SNRNP200: variants seen among roughly 807,000 people sequenced by gnomAD.
SNRNP200 encodes the protein small nuclear ribonucleoprotein U5 subunit 200, also known as U5 small nuclear ribonucleoprotein 200 kDa helicase.
Under a neutral mutation model 255.2 loss-of-function variants are expected in SNRNP200, and 66 were observed. The observed-to-expected ratio is 0.26, with a 90% CI of 0.21 to 0.32. SNRNP200 has a LOEUF of 0.32. Among genes scored for constraint, SNRNP200 ranks in the 10% least tolerant of loss-of-function variants. The pLI is 1.00. For missense variants in SNRNP200, 1,585 were observed against 2,749.8 expected, an observed-to-expected ratio of 0.58 and a Z score of 9.47; for synonymous variants, 939 against 1,027.8, an observed-to-expected ratio of 0.91 and a Z score of 1.65.
At chr2:96,288,371 C>T (rs948113090) in intron 24 of SNRNP200, among the ~76,000 whole-genome samples, 3 of 152,228 alleles carry the variant, frequency 2.0e-5, no homozygotes, top group African/African-American at 7.2e-5. Flanking sequence ...AGTGGGAAAT[C>T]ACTTTGCTGC....
Position 96,286,959 on chromosome 2 carries a change from T to C in SNRNP200, c.3639+47A>G, listed in dbSNP as rs1472952088. The C allele has an allele frequency of 1.9e-6, 3 of 1,613,712 alleles. No individual in the cohort carries two copies. The Admixed American group carries it at 5.0e-5, about 27-fold the overall frequency. On this transcript the variant is annotated intron_variant, in intron 27 of 44. Coordinates refer to ENST00000323853, the MANE Select transcript of SNRNP200 (RefSeq NM_014014.5). This position sits in a 1 kb window ranked among gnomAD's most constrained non-coding sequence, Gnocchi z 4.8. ...AATCCATCTCCTCGGCCCAGCAACG[T>C]AGACTGAGCACCTCCAATCCAGCAC... is the stretch of plus-strand genomic sequence containing the variant.
Position 96,291,374 on chromosome 2 carries a change from C to T in SNRNP200, c.2421+18G>A, listed in dbSNP as rs183986099. On this transcript the variant is annotated intron_variant, in intron 18 of 44. Coordinates refer to ENST00000323853, the MANE Select transcript of SNRNP200 (RefSeq NM_014014.5). The surrounding 1 kb of genome is among the most constrained non-coding windows in gnomAD (Gnocchi z 4.2). Reference sequence around the variant, plus strand: ...AGTATGTCCCACCTGCTCCTCCAAACGCTTTGCACCCCCTCACCTGAATAT... The same window carrying T: ...AGTATGTCCCACCTGCTCCTCCAAATGCTTTGCACCCCCTCACCTGAATAT... 30 of 1,408,262 alleles carry T rather than the reference C, an allele frequency of 2.1e-5. No homozygotes were observed. The East Asian group carries it at 3.2e-4, about 15-fold the overall frequency. 87.2% of individuals were successfully genotyped at this position (1,408,262 alleles called of 1,614,324 possible). A position where few individuals can be genotyped will look rare whatever the true frequency, so the allele number is the denominator to read the frequency against.
At chr2:96,282,974 C>A in intron 34 of SNRNP200, 1 of 622,978 alleles carries the variant, frequency 1.6e-6, no homozygotes, top group Non-Finnish European at 2.9e-6. Flanking sequence ...ATAGCACAAC[C>A]TGATGTGTCT....
chr2:96,285,263 C>T lies in SNRNP200; in HGVS notation c.4081G>A (p.Glu1361Lys). ...PTGSGKTICA[E>K]FAILRMLLQS... is the part of the protein sequence containing the mutation. ...AGCAGCATTCGCAGGATGGCAAACT[C>T]TGCACAAATAGTCTTCCCGCTGCCC... Residue 1361 changes from glutamate (E) to lysine (K), a missense_variant, in exon 30 of 45, where the codon GAG becomes AAG. Physicochemically the swap from Glu to Lys is moderately conservative, Grantham distance 56 (BLOSUM62 1). Coordinates refer to ENST00000323853, the MANE Select transcript of SNRNP200 (RefSeq NM_014014.5). 1 of 1,614,190 alleles carries T rather than the reference C, an allele frequency of 6.2e-7. No homozygotes were observed. The highest frequency in any genetic ancestry group is 8.5e-7 in the Non-Finnish European group (1 of 1,180,036).
At chr2:96,301,893 T>C (rs2063954939) in intron 3 of SNRNP200, among the ~76,000 whole-genome samples, 177 bp from the exon 4 acceptor site, 1 of 152,216 alleles carries the variant, frequency 6.6e-6, no homozygotes, top group African/African-American at 2.4e-5. Context: ...TTGTCTGTTT[T>C]TAAAAAGATT....
chr2:96,299,834 C>T (rs1159505292), intron 5 of SNRNP200, among the ~76,000 whole-genome samples: 1 of 152,228 alleles, frequency 6.6e-6, no homozygotes, highest in Non-Finnish European at 1.5e-5. Context: ...ATACACTGCA[C>T]ATTAGGCGTA....
Position 96,298,982 on chromosome 2 carries a change from A to G in SNRNP200, c.730-15T>C. ...GAGGCTACGAGCTATAAAAGTAACC[A>G]GGCATTTAGCTCACCAGGTCTCTGC... On this transcript the variant is annotated splice_polypyrimidine_tract_variant and intron_variant, in intron 6 of 44. Coordinates refer to ENST00000323853, the MANE Select transcript of SNRNP200 (RefSeq NM_014014.5). 4 of 1,613,768 alleles carry G rather than the reference A, an allele frequency of 2.5e-6. No homozygotes were observed. The highest frequency in any genetic ancestry group is 1.7e-6 in the Non-Finnish European group (2 of 1,179,996).
chr2:96,283,367 C>G lies in SNRNP200; in HGVS notation c.4764-15G>C, dbSNP rs1029364849. 4 of 1,613,994 alleles carry G rather than the reference C, an allele frequency of 2.5e-6. No individual in the cohort carries two copies. Among genetic ancestry groups the G allele is most frequent in the Non-Finnish European group, 3.4e-6 (4 of 1,180,030 alleles). ...AGTGCAAGAACCTGTGCGGTACAGG[C>G]ACTGGCTCAGCTCAGAGTAGTTCAA... On this transcript the variant is annotated splice_polypyrimidine_tract_variant and intron_variant, in intron 33 of 44. Coordinates refer to ENST00000323853, the MANE Select transcript of SNRNP200 (RefSeq NM_014014.5). The surrounding 1 kb of genome is among the most constrained non-coding windows in gnomAD (Gnocchi z 4.7).
Position 96,286,888 on chromosome 2 carries a change from G to T in SNRNP200, c.3640-11C>A. 6.2e-7 allele frequency: 1 copy of T among 1,614,136 alleles called. No individual in the cohort carries two copies. Among genetic ancestry groups the T allele is most frequent in the South Asian group, 1.1e-5 (1 of 91,080 alleles). On this transcript the variant is annotated splice_polypyrimidine_tract_variant and intron_variant, in intron 27 of 44. Coordinates refer to ENST00000323853, the MANE Select transcript of SNRNP200 (RefSeq NM_014014.5). This position sits in a 1 kb window ranked among gnomAD's most constrained non-coding sequence, Gnocchi z 4.8. The stretch of plus-strand genomic sequence containing the variant: ...GGATGAACCATGCACCTGCCAACAG[G>T]AGCAAGGGTAAAAGGAATGTGAGTC...
At chr2:96,280,871 G>C (rs944299632) in intron 35 of SNRNP200, among the ~76,000 whole-genome samples, 7 of 29,766 alleles carry the variant, frequency 2.4e-4, no homozygotes, top group Non-Finnish European at 3.8e-4. Context: ...TTTTTTTTTT[G>C]AGACGGGGTA....
Position 96,277,261 on chromosome 2 carries a change from G to A in SNRNP200, c.5932-20C>T, listed in dbSNP as rs757081957. 4.3e-6 allele frequency: 7 copies of A among 1,613,692 alleles called. No individual in the cohort carries two copies. Among genetic ancestry groups the A allele is most frequent in the African/African-American group, 2.7e-5 (2 of 74,906 alleles). On this transcript the variant is annotated intron_variant, in intron 41 of 44. Transcript: ENST00000323853. The surrounding 1 kb of genome is among the most constrained non-coding windows in gnomAD (Gnocchi z 4.4). ...CACTCCCTGCAGTGAGTATTCAGAC[G>A]TCAGGAAAGAGAGAACACGGGCCAA...
chr2:96,305,255 C>G, intron 1 of SNRNP200, 138 bp downstream of exon 1: 1 of 1,159,546 alleles, frequency 8.6e-7, no homozygotes, highest in South Asian at 1.2e-5. Context: ...ATCGTATAAC[C>G]CCCACCTTCA....
In SNRNP200 at chr2:96,283,564, G is replaced by T. The variant is rs200594034; in HGVS notation, c.4734C>A (p.Thr1578=). ...QTRLTAIDIL[T]TCAADIQRQR... Reference sequence around the variant, plus strand: ...GCCGTTGGATGTCTGCTGCACAGGTGGTGAGGATGTCAATGGCAGTGAGGC... The same window carrying T: ...GCCGTTGGATGTCTGCTGCACAGGTTGTGAGGATGTCAATGGCAGTGAGGC... Residue 1578 remains threonine, a synonymous_variant, in exon 33 of 45, where the codon ACC becomes ACA. Transcript: ENST00000323853. This position sits in a 1 kb window ranked among gnomAD's most constrained non-coding sequence, Gnocchi z 4.7. 3.7e-5 allele frequency: 60 copies of T among 1,614,138 alleles called. No homozygotes were observed. The highest frequency in any genetic ancestry group is 1.7e-6 in the Non-Finnish European group (2 of 1,180,032).
chr2:96,292,907 A>C, intron 16 of SNRNP200, 65 bp downstream of exon 16: 1 of 1,577,218 alleles, frequency 6.3e-7, no homozygotes, highest in South Asian at 1.1e-5. Context: ...AATCTTCCCC[A>C]ATTATTGGTG....
At position 96,287,227 on chromosome 2, in the gene SNRNP200, G is replaced by A. The variant is rs1573993925; in HGVS notation, c.3485-67C>T. The A allele has an allele frequency of 6.3e-7, 1 of 1,583,358 alleles. No individual in the cohort carries two copies. ...CTACTATACTGCAAACTGGGCCTGA[G>A]GGCCACTGTGGGAAAGGGGTAGGGT... On this transcript the variant is annotated intron_variant, in intron 26 of 44. Coordinates refer to ENST00000323853, the MANE Select transcript of SNRNP200 (RefSeq NM_014014.5). This position sits in a 1 kb window ranked among gnomAD's most constrained non-coding sequence, Gnocchi z 5.7.
At position 96,291,315 on chromosome 2, in the gene SNRNP200, A is replaced by C. The variant is rs2063882862; in HGVS notation, c.2421+77T>G. 5 of 882,640 alleles carry C rather than the reference A, an allele frequency of 5.7e-6. No individual in the cohort carries two copies. In the Admixed American group the frequency reaches 8.5e-5, roughly 15 times the overall value. The allele number at this position is 882,640 out of a possible 1,614,324, so 54.7% of individuals were successfully genotyped here. A position where few individuals can be genotyped will look rare whatever the true frequency, so the allele number is the denominator to read the frequency against. ...AGAAGCAATAAAGTACCAGGAGCAAACATGGCACAAACTTGACATTGCCCA... is the reference window on the plus strand; with the variant it reads ...AGAAGCAATAAAGTACCAGGAGCAACCATGGCACAAACTTGACATTGCCCA... On this transcript the variant is annotated intron_variant, in intron 18 of 44. Transcript: ENST00000323853. This position sits in a 1 kb window ranked among gnomAD's most constrained non-coding sequence, Gnocchi z 4.2.
chr2:96,280,697 G>C (rs35636943), intron 35 of SNRNP200, among the ~76,000 whole-genome samples: 4 of 151,072 alleles, frequency 2.6e-5, no homozygotes, highest in East Asian at 3.9e-4. Context: ...TTACAGGCGC[G>C]TGCCACCACA....
intron 5 of SNRNP200, among the ~76,000 whole-genome samples, chr2:96,300,425 CTT>C (rs943811756): frequency 1.3e-4 from 20 of 152,110 alleles, no homozygotes; most frequent in African/African-American, 4.8e-4. Flanking sequence ...TGTACTTTAA[CTT>C]TTTTCTTTCT....
rs6721923 is a variant in SNRNP200 at position 96,305,495 on chromosome 2, G to A, written c.-58C>T. 6.2e-6 allele frequency: 10 copies of A among 1,609,582 alleles called. No homozygotes were observed. The highest frequency in any genetic ancestry group is 5.3e-5 in the African/African-American group (4 of 74,878). ...CGCCTCCCTACCGCAAGCTGCAAAC[G>A]GCCGCAGATCTCTGCTCCCGCCGCG... On this transcript the variant is annotated 5_prime_UTR_variant, in exon 1 of 45. Coordinates refer to ENST00000323853, the MANE Select transcript of SNRNP200 (RefSeq NM_014014.5).
Sources: allele counts gnomAD v4.1 joint callset (sites outside exome capture counted in the v4.1 genomes callset), GRCh38; gene constraint gnomAD v4.1.1; non-coding constraint Gnocchi (gnomAD v3.1); transcripts MANE v1.5; gene names NCBI Gene and HGNC (gene_info 2026-07-23, HGNC 2026-07-21).